The following LRP1B variants were observed in gnomAD, a reference collection of about 807,000 sequenced individuals.
LRP1B encodes the protein LDL receptor related protein 1B, also known as low-density lipoprotein receptor-related protein 1B.
In LRP1B, 217 loss-of-function variants were observed where a neutral mutation model predicts 556.6. The observed-to-expected ratio is 0.39, with a 90% CI of 0.35 to 0.44. The LOEUF (loss-of-function observed/expected upper bound fraction) is 0.44. Ranked by LOEUF, LRP1B falls within the 20% of genes least tolerant of loss-of-function variation. LRP1B has a pLI of 1.00. For synonymous variants in LRP1B, 2,047 were observed against 1,865.8 expected (o/e 1.10, Z -2.50); for missense variants, 5,053 against 5,620.8 (o/e 0.90, Z 3.23).
intron 35 of LRP1B, among the ~76,000 whole-genome samples, chr2:140,756,213 T>C (rs1688737136): frequency 1.3e-5 from 2 of 152,012 alleles, no homozygotes; most frequent in Admixed American, 1.3e-4. Flanking sequence ...GCTATCACAT[T>C]GATATACTGG....
At chr2:141,339,212 A>ATT (rs142026489) in intron 3 of LRP1B, among the ~76,000 whole-genome samples, 4,374 of 151,038 alleles carry the variant, frequency 0.029, 212 homozygotes, top group African/African-American at 0.1. Flanking sequence ...TATGTCTATA[A>ATT]ATTTTTTCCC....
chr2:140,287,428 T>C (rs187390392), intron 84 of LRP1B, among the ~76,000 whole-genome samples: 37 of 151,822 alleles, frequency 2.4e-4, no homozygotes, highest in African/African-American at 8.7e-4. Context: ...GTGCCATTCA[T>C]TATGTCGTCC....
intron 32 of LRP1B, among the ~76,000 whole-genome samples, chr2:140,803,234 A>T (rs1004416785): frequency 6.8e-6 from 1 of 147,268 alleles, no homozygotes; most frequent in East Asian, 2.0e-4. Context: ...CCTGAATAAA[A>T]GTGGTCAGTA....
intron 51 of LRP1B, among the ~76,000 whole-genome samples, chr2:140,513,632 A>G: frequency 1.4e-5 from 1 of 71,904 alleles, no homozygotes; most frequent in African/African-American, 5.9e-5. Flanking sequence ...CCTACTTTCA[A>G]GAATATCTCC....
At chr2:140,768,654 G>A (rs781217533) in intron 35 of LRP1B, among the ~76,000 whole-genome samples, 8 of 151,974 alleles carry the variant, frequency 5.3e-5, no homozygotes, top group African/African-American at 7.2e-5. Context: ...GTTAGTGTCC[G>A]CTTTGCTTCC....
rs1322880208 is a variant in LRP1B at position 140,323,990 on chromosome 2, T to C, written c.12417A>G (p.Arg4139=). 1 of 1,609,088 alleles carries C rather than the reference T, an allele frequency of 6.2e-7. No individual in the cohort carries two copies. Among genetic ancestry groups the C allele is most frequent in the Non-Finnish European group, 8.5e-7 (1 of 1,175,942 alleles). The part of the protein sequence containing the change: ...YGAGPKNGVF[R]VQKFGHGSVE... ...CTGAACCATGGCCAAATTTTTGAAC[T>C]CGAAATACACCATTTTTAGGTCCTG... Residue 4139 remains arginine (R), a synonymous_variant, in exon 81 of 91, where the codon CGA becomes CGG. Coordinates refer to ENST00000389484, the MANE Select transcript of LRP1B (RefSeq NM_018557.3).
intron 41 of LRP1B, among the ~76,000 whole-genome samples, chr2:140,648,838 T>C (rs554362101): frequency 1.3e-5 from 2 of 152,200 alleles, no homozygotes; most frequent in East Asian, 3.9e-4. Context: ...TGTGGAGCCT[T>C]TAAGCAGAAA....
Position 140,501,752 on chromosome 2 carries a change from C to G in LRP1B, c.8785G>C (p.Glu2929Gln), listed in dbSNP as rs1450437407. Residue 2929 changes from glutamate (E) to glutamine (Q), a missense_variant, in exon 55 of 91, where the codon GAA (glutamate) becomes CAA (glutamine). This residue lies in a region of LRP1B where 3,619 missense variants were observed against 3,931.9 expected (regional missense o/e 0.92). Transcript: ENST00000389484. ...GSDERNCHIN[E>Q]CLSKKVSGCS... Reference sequence around the variant, plus strand: ...CCACTGACTTTCTTACTCAAACATTCATTTATATGGCAGTTTCTCTCATCT... The same window carrying G: ...CCACTGACTTTCTTACTCAAACATTGATTTATATGGCAGTTTCTCTCATCT... 6.2e-7 allele frequency: 1 copy of G among 1,612,820 alleles called. No homozygotes were observed. The highest frequency in any genetic ancestry group is 8.5e-7 in the Non-Finnish European group (1 of 1,179,154).
chr2:140,373,394 C>A (rs1683078921), intron 68 of LRP1B, among the ~76,000 whole-genome samples: 1 of 152,040 alleles, frequency 6.6e-6, no homozygotes, highest in African/African-American at 2.4e-5. Context: ...AAAAGTGGCT[C>A]AGATGCTAAT....
chr2:141,346,764 C>T (rs904244754), intron 3 of LRP1B, among the ~76,000 whole-genome samples: 4 of 152,154 alleles, frequency 2.6e-5, no homozygotes, highest in African/African-American at 9.6e-5. Flanking sequence ...GCTTTTAAGG[C>T]TTTTTTAAAA....
chr2:140,863,508 T>C (rs1692860279), intron 27 of LRP1B, among the ~76,000 whole-genome samples: 1 of 152,204 alleles, frequency 6.6e-6, no homozygotes, highest in Admixed American at 6.5e-5. Context: ...ATTGGAACCA[T>C]TTATCCCAGA....
intron 6 of LRP1B, among the ~76,000 whole-genome samples, chr2:141,218,717 T>G (rs758767802): frequency 6.6e-6 from 1 of 152,084 alleles, no homozygotes; most frequent in Non-Finnish European, 1.5e-5. Flanking sequence ...TGTCCAAACT[T>G]TAACATCATG....
At chr2:141,018,961 A>AT (rs1213732105) in intron 12 of LRP1B, among the ~76,000 whole-genome samples, 1 of 152,036 alleles carries the variant, frequency 6.6e-6, no homozygotes, top group Non-Finnish European at 1.5e-5. Flanking sequence ...TACAATATGT[A>AT]TTTTTTGTAT....
chr2:140,655,105 A>G (rs1574199189), intron 41 of LRP1B, among the ~76,000 whole-genome samples: 1 of 152,114 alleles, frequency 6.6e-6, no homozygotes, highest in African/African-American at 2.4e-5. Context: ...AGGATCTCCT[A>G]TTGTACAAAT....
intron 25 of LRP1B, among the ~76,000 whole-genome samples, chr2:140,872,220 G>T (rs1693157850): frequency 6.6e-6 from 1 of 151,568 alleles, no homozygotes; most frequent in African/African-American, 2.4e-5. Flanking sequence ...TAATAGTCTG[G>T]AGTTCCTCAA....
chr2:140,460,502 T>C (rs533611086), intron 60 of LRP1B, among the ~76,000 whole-genome samples: 5 of 152,150 alleles, frequency 3.3e-5, no homozygotes, highest in African/African-American at 1.2e-4. Context: ...AAAATGATGA[T>C]GACTATCATT....
At chr2:141,165,101 T>G (rs956694524) in intron 7 of LRP1B, among the ~76,000 whole-genome samples, 5 of 151,988 alleles carry the variant, frequency 3.3e-5, no homozygotes, top group Non-Finnish European at 5.9e-5. Flanking sequence ...CAAATGTCAT[T>G]AGGCAGAGAG....
intron 3 of LRP1B, among the ~76,000 whole-genome samples, chr2:141,455,569 CA>C (rs1415325461): frequency 2.0e-5 from 3 of 151,618 alleles, no homozygotes; most frequent in Non-Finnish European, 4.4e-5. Context: ...GAGATGGGGA[CA>C]GGGGTAGGAG....
intron 7 of LRP1B, among the ~76,000 whole-genome samples, chr2:141,115,180 C>T (rs920168290): frequency 1.3e-5 from 2 of 150,930 alleles, no homozygotes; most frequent in Non-Finnish European, 2.9e-5. Flanking sequence ...TGTGGACTTT[C>T]AAGGATTATA....
Sources: allele counts gnomAD v4.1 joint callset (sites outside exome capture counted in the v4.1 genomes callset), GRCh38; gene constraint gnomAD v4.1.1; regional missense constraint gnomAD v4.1.1; transcripts MANE v1.5; gene names NCBI Gene and HGNC (gene_info 2026-07-23, HGNC 2026-07-21).